The following KIF15 variants were observed in gnomAD, a reference collection of about 807,000 sequenced individuals.
KIF15 encodes kinesin family member 15.
In KIF15, 140 loss-of-function variants were observed where a neutral mutation model predicts 190.6. The observed-to-expected ratio is 0.73, with a 90% CI of 0.64 to 0.84. The LOEUF (loss-of-function observed/expected upper bound fraction) is 0.84, where lower values mean the gene tolerates loss of function less well. KIF15 is among the 40% of genes least tolerant of loss of function. The pLI, the probability that KIF15 is intolerant of heterozygous loss-of-function variation, is 0.00. For synonymous variants in KIF15, 528 were observed against 551.3 expected, an observed-to-expected ratio of 0.96 and a Z score of 0.59; for missense variants, 1,372 against 1,584.4, an observed-to-expected ratio of 0.87 and a Z score of 2.28.
chr3:44,816,798 C>T (rs1708050614), intron 20 of KIF15, among the ~76,000 whole-genome samples: 1 of 152,160 alleles, frequency 6.6e-6, no homozygotes, highest in Non-Finnish European at 1.5e-5. Context: ...AGTTCTAGAT[C>T]CTTGAGGGAT....
At chr3:44,841,322 T>C in intron 29 of KIF15, 84 bp downstream of exon 29, 1 of 1,023,896 alleles carries the variant, frequency 9.8e-7, no homozygotes. Flanking sequence ...GCTCAAGTGA[T>C]CCATTTGCCT....
intron 24 of KIF15, among the ~76,000 whole-genome samples, chr3:44,829,418 T>TATAATATATATGTATATATTATATACGC (rs1697861440): frequency 1.4e-5 from 2 of 140,458 alleles, no homozygotes; most frequent in African/African-American, 5.3e-5. Context: ...ATATTACATA[T>TATAATATATATGTATATATTATATACGC]GTATATATAA....
At chr3:44,829,288 C>T (rs1172021638) in intron 24 of KIF15, among the ~76,000 whole-genome samples, 7 of 149,268 alleles carry the variant, frequency 4.7e-5, no homozygotes, top group Admixed American at 2.7e-4. Context: ...ACCCGGGAGG[C>T]GGAGCTTGCA....
chr3:44,782,581 A>C (rs958129440), intron 5 of KIF15, among the ~76,000 whole-genome samples: 6 of 152,250 alleles, frequency 3.9e-5, no homozygotes, highest in African/African-American at 1.4e-4. Flanking sequence ...ATTAAAAGCA[A>C]ATACACCTCT....
intron 30 of KIF15, among the ~76,000 whole-genome samples, chr3:44,845,314 C>T (rs1698792944): frequency 6.6e-6 from 1 of 152,066 alleles, no homozygotes; most frequent in Non-Finnish European, 1.5e-5. Context: ...AAAAATTTCA[C>T]TGGTAATGGT....
intron 19 of KIF15, among the ~76,000 whole-genome samples, chr3:44,813,712 C>A (rs1413047621): frequency 1.3e-5 from 2 of 151,746 alleles, no homozygotes; most frequent in Non-Finnish European, 1.5e-5. Context: ...TCACTGCAAC[C>A]TCCAGCTCCT....
intron 18 of KIF15, 123 bp downstream of exon 18, chr3:44,812,412 C>G: frequency 1.4e-6 from 1 of 698,868 alleles, no homozygotes; most frequent in Non-Finnish European, 2.5e-6. Flanking sequence ...GAGAGTATCA[C>G]AGAAAGAAAA....
At chr3:44,813,329 A>G (rs1273251414) in intron 19 of KIF15, 149 bp downstream of exon 19, 6 of 531,482 alleles carry the variant, frequency 1.1e-5, no homozygotes, top group Non-Finnish European at 2.0e-5. Context: ...GTTTGCATGC[A>G]GTGGTAAGTA....
chr3:44,861,946 C>G lies in KIF15; in HGVS notation c.*59+9152C>G. 1.4e-6 allele frequency: 2 copies of G among 1,407,778 alleles called. No homozygotes were observed. The highest frequency in any genetic ancestry group is 1.8e-6 in the Non-Finnish European group (2 of 1,083,520). 87.2% of individuals were successfully genotyped at this position (1,407,778 alleles called of 1,614,324 possible). On this transcript the variant is annotated intron_variant and NMD_transcript_variant, in intron 6 of 6. Coordinates refer to the KIF15 transcript ENST00000422209. ...CAACATGGCCGAGAGGCCGGGGCCTCCGGGCGGCGCCGTGTCCGCGACCGC... is the reference window on the plus strand; with the variant it reads ...CAACATGGCCGAGAGGCCGGGGCCTGCGGGCGGCGCCGTGTCCGCGACCGC...
chr3:44,843,342 C>G (rs1288673700), intron 30 of KIF15, 108 bp downstream of exon 30: 3 of 675,046 alleles, frequency 4.4e-6, no homozygotes, highest in Non-Finnish European at 7.7e-6. Context: ...ACAATGTTTC[C>G]CACTAATCCA....
At chr3:44,814,206 G>T (rs1364286963) in intron 19 of KIF15, among the ~76,000 whole-genome samples, 1 of 152,194 alleles carries the variant, frequency 6.6e-6, no homozygotes, top group African/African-American at 2.4e-5. Context: ...GTTAACCCAT[G>T]TTGGAAAGTT....
chr3:44,826,066 C>G lies in KIF15; in HGVS notation c.2577C>G (p.Ser859Arg). ...LRLENEKLLE[S>R]KACLQDSYDN... ...TAGAAAACGAAAAGCTGCTTGAGAG[C>G]AAAGCCTGCCTACAGGATTCCTATG... The change falls in exon 21 of 35, where the codon AGC becomes AGG. Residue 859 changes from serine to arginine, a missense_variant. Coordinates refer to ENST00000326047, the MANE Select transcript of KIF15 (RefSeq NM_020242.3). 1 of 1,584,782 alleles carries G rather than the reference C, an allele frequency of 6.3e-7. No homozygotes were observed. The highest frequency in any genetic ancestry group is 1.2e-5 in the South Asian group (1 of 84,396).
intron 19 of KIF15, among the ~76,000 whole-genome samples, chr3:44,814,217 T>A (rs1707927882): frequency 6.6e-6 from 1 of 152,264 alleles, no homozygotes; most frequent in Non-Finnish European, 1.5e-5. Flanking sequence ...TTGGAAAGTT[T>A]AGGCAAATTT....
At chr3:44,829,413 A>G (rs1218077244) in intron 24 of KIF15, among the ~76,000 whole-genome samples, 2 of 141,320 alleles carry the variant, frequency 1.4e-5, no homozygotes, top group Non-Finnish European at 3.0e-5. Flanking sequence ...TATATATATT[A>G]CATATGTATA....
At chr3:44,771,172 C>G (rs1321891036) in intron 1 of KIF15, among the ~76,000 whole-genome samples, 1 of 152,038 alleles carries the variant, frequency 6.6e-6, no homozygotes, top group African/African-American at 2.4e-5. Flanking sequence ...GAGTCAGAAA[C>G]AGAATTGACA....
At position 44,830,075 on chromosome 3, in the gene KIF15, T is replaced by C. The variant is rs753941266; in HGVS notation, c.3048T>C (p.Asn1016=). ...DTLKQELKDI[N]CKYNSALVDR... ...TGAAACAAGAACTGAAGGACATAAATGTAAGTTCGGTCACCAACAAGATGT... is the reference window on the plus strand; with the variant it reads ...TGAAACAAGAACTGAAGGACATAAACGTAAGTTCGGTCACCAACAAGATGT... Residue 1016 remains asparagine, a splice_region_variant and synonymous_variant, in exon 25 of 35, where the codon AAT becomes AAC. Transcript: ENST00000326047. The C allele has an allele frequency of 1.2e-5, 19 of 1,549,260 alleles. No homozygotes were observed. In the East Asian group the frequency reaches 4.2e-4, roughly 35 times the overall value.
downstream of KIF15, among the ~76,000 whole-genome samples, chr3:44,857,184 G>A (rs1018335794): frequency 2.0e-5 from 3 of 152,152 alleles, no homozygotes; most frequent in Admixed American, 6.5e-5. Context: ...GTGGGAGGCC[G>A]GACTGAAGTC....
At chr3:44,846,054 A>G (rs1185528031) in intron 30 of KIF15, among the ~76,000 whole-genome samples, 1 of 152,200 alleles carries the variant, frequency 6.6e-6, no homozygotes, top group Admixed American at 6.5e-5. Context: ...GTTTGTTCTA[A>G]AGAGCCTGTC....
intron 27 of KIF15, among the ~76,000 whole-genome samples, chr3:44,838,855 G>A (rs1698455306): frequency 6.6e-6 from 1 of 152,020 alleles, no homozygotes; most frequent in Non-Finnish European, 1.5e-5. Context: ...GGCTAATGGA[G>A]TATCCTTACC....
Sources: allele counts gnomAD v4.1 joint callset (sites outside exome capture counted in the v4.1 genomes callset), GRCh38; gene constraint gnomAD v4.1.1; transcripts MANE v1.5; gene names NCBI Gene and HGNC (gene_info 2026-07-23, HGNC 2026-07-21).